ADAMTS2: variants seen among roughly 807,000 people sequenced by gnomAD.
ADAMTS2 encodes the protein A disintegrin and metalloproteinase with thrombospondin motifs 2.
A neutral mutation model predicts 123.0 loss-of-function variants in ADAMTS2; 50 were observed. The observed-to-expected ratio is 0.41, with a 90% CI of 0.32 to 0.51. The LOEUF (loss-of-function observed/expected upper bound fraction) is 0.51. ADAMTS2 is among the 20% of genes least tolerant of loss of function. The probability of loss-of-function intolerance (pLI) is 0.35; values close to 1 mark genes in which losing one functional copy is unlikely to be tolerated. For synonymous variants in ADAMTS2, 678 were observed against 695.4 expected (o/e 0.98, Z 0.39); for missense variants, 1,494 against 1,705.2 (o/e 0.88, Z 2.18).
chr5:179,293,312 T>A (rs1360391396), intron 2 of ADAMTS2, among the ~76,000 whole-genome samples: 1 of 152,264 alleles, frequency 6.6e-6, no homozygotes, highest in Non-Finnish European at 1.5e-5. Flanking sequence ...GACTCCCACA[T>A]GAGCAGCCTC....
At position 179,189,822 on chromosome 5, in the gene ADAMTS2, G is replaced by A. The variant is rs964770825; in HGVS notation, c.892-8667C>T. 2.0e-5 allele frequency among the ~76,000 whole-genome samples: 3 copies of A among 151,018 alleles called. No individual in the cohort carries two copies. The highest frequency in any genetic ancestry group is 6.6e-5 in the Admixed American group (1 of 15,156). On this transcript the variant is annotated intron_variant, in intron 4 of 21. Coordinates refer to ENST00000251582, the MANE Select transcript of ADAMTS2 (RefSeq NM_014244.5). This position sits in a 1 kb window ranked among gnomAD's most constrained non-coding sequence, Gnocchi z 4.2. Reference sequence around the variant, plus strand: ...TTACTAAGTATCTTCTTAAGTTGGGGGGAGAGAATATTACAAAGTATCTTC... The same window carrying A: ...TTACTAAGTATCTTCTTAAGTTGGGAGGAGAGAATATTACAAAGTATCTTC...
chr5:179,278,593 C>A (rs1371826455), intron 2 of ADAMTS2, among the ~76,000 whole-genome samples: 4 of 152,108 alleles, frequency 2.6e-5, no homozygotes, highest in Non-Finnish European at 4.4e-5. Flanking sequence ...AGCTGTCCAG[C>A]CTGGGGTCTT....
intron 2 of ADAMTS2, among the ~76,000 whole-genome samples, chr5:179,313,104 A>G (rs1289632095): frequency 1.3e-5 from 2 of 152,232 alleles, no homozygotes; most frequent in African/African-American, 4.8e-5. Context: ...ATAGCATTTC[A>G]GGACTTCATG....
chr5:179,197,940 A>G lies in ADAMTS2; in HGVS notation c.891+9573T>C, dbSNP rs1317780488. Among the ~76,000 whole-genome samples, 1 of 152,184 alleles carries G rather than the reference A, an allele frequency of 6.6e-6. No individual in the cohort carries two copies. Among genetic ancestry groups the G allele is most frequent in the African/African-American group, 2.4e-5 (1 of 41,436 alleles). On this transcript the variant is annotated intron_variant, in intron 4 of 21. Transcript: ENST00000251582. The surrounding 1 kb of genome is among the most constrained non-coding windows in gnomAD (Gnocchi z 4.2). The stretch of plus-strand genomic sequence containing the variant: ...CCAGGCCCACACACATGGCCACAGC[A>G]TCTGGTTTGTGAGCAGAGACTAGCC...
Position 179,335,208 on chromosome 5 carries a change from G to GT in ADAMTS2, c.534+8558dup, listed in dbSNP as rs139119846. Among the ~76,000 whole-genome samples the GT allele has an allele frequency of 1.0e-3, 152 of 150,996 alleles. 1 individual carries two copies. Among genetic ancestry groups the GT allele is most frequent in the Admixed American group, 2.9e-3 (44 of 15,222 alleles). On this transcript the variant is annotated intron_variant, in intron 2 of 21. Coordinates refer to ENST00000251582, the MANE Select transcript of ADAMTS2 (RefSeq NM_014244.5). ...GAACTCGAGCTTTATATGTAGCCATGTTTTTAAAAAAAAAAGACACAGGTG... is the reference window on the plus strand; with the variant it reads ...GAACTCGAGCTTTATATGTAGCCATGTTTTTTAAAAAAAAAAGACACAGGTG...
At chr5:179,251,380 A>G (rs1376701065) in intron 3 of ADAMTS2, among the ~76,000 whole-genome samples, 1 of 152,162 alleles carries the variant, frequency 6.6e-6, no homozygotes, top group African/African-American at 2.4e-5. Context: ...CTCTGCCACC[A>G]AAAAAGCAGG....
At chr5:179,230,466 A>T (rs1765384654) in intron 3 of ADAMTS2, among the ~76,000 whole-genome samples, 1 of 152,186 alleles carries the variant, frequency 6.6e-6, no homozygotes, top group Non-Finnish European at 1.5e-5. Flanking sequence ...AGCCTCAAAC[A>T]CACATCAAAT....
rs149523751 is a variant in ADAMTS2 at position 179,304,386 on chromosome 5, T to C, written c.535-31322A>G. 4.9e-3 allele frequency among the ~76,000 whole-genome samples: 752 copies of C among 152,254 alleles called. 4 individuals carry two copies. Among genetic ancestry groups the C allele is most frequent in the African/African-American group, 0.017 (689 of 41,536 alleles). The stretch of plus-strand genomic sequence containing the variant: ...CAGATAACAAGACTGAGATAGCACA[T>C]ATGTTGGAATTAACTGACAATGATC... On this transcript the variant is annotated intron_variant, in intron 2 of 21. Coordinates refer to ENST00000251582, the MANE Select transcript of ADAMTS2 (RefSeq NM_014244.5).
In ADAMTS2 at chr5:179,111,206, G is replaced by A. The variant is rs933509566; in HGVS notation, c.*2661C>T. 6.6e-6 allele frequency: 1 copy of A among 152,198 alleles called. No individual in the cohort carries two copies. Among genetic ancestry groups the A allele is most frequent in the Non-Finnish European group, 1.5e-5 (1 of 68,044 alleles). The allele number at this position is 152,198 out of a possible 1,614,324, so 9.4% of individuals were successfully genotyped here. ...ATCTAACACGAGTCTGCCCACTAAG[G>A]AGAAGTGACTCAGGGACACTGTTGC... On this transcript the variant is annotated 3_prime_UTR_variant, in exon 22 of 22. Transcript: ENST00000251582.
Position 179,132,660 on chromosome 5 carries a change from C to A in ADAMTS2, c.2209+117G>T. 6 of 1,470,590 alleles carry A rather than the reference C, an allele frequency of 4.1e-6. No homozygotes were observed. The highest frequency in any genetic ancestry group is 2.2e-4 in the Middle Eastern group (1 of 4,478). The allele number at this position is 1,470,590 out of a possible 1,614,324, so 91.1% of individuals were successfully genotyped here. On this transcript the variant is annotated intron_variant, in intron 14 of 21. Transcript: ENST00000251582. The surrounding 1 kb of genome is among the most constrained non-coding windows in gnomAD (Gnocchi z 6.1). ...CCCTCAGTGTCACAGACCTCTCCCC[C>A]TCCCCAGAACAGTCATAAGCCCGGA...
In ADAMTS2 at chr5:179,129,592, G is replaced by A. The variant is rs563327241; in HGVS notation, c.2457+340C>T. Among the ~76,000 whole-genome samples the A allele has an allele frequency of 1.8e-4, 28 of 152,272 alleles. No homozygotes were observed. The South Asian group carries it at 2.7e-3, about 15-fold the overall frequency. On this transcript the variant is annotated intron_variant, in intron 16 of 21. Coordinates refer to ENST00000251582, the MANE Select transcript of ADAMTS2 (RefSeq NM_014244.5). The surrounding 1 kb of genome is among the most constrained non-coding windows in gnomAD (Gnocchi z 4.1). ...GCATCTAGCTTCCCAGACCCTGAGCGTCACCTCCCAGAGTGTCACCGATTC... is the reference window on the plus strand; with the variant it reads ...GCATCTAGCTTCCCAGACCCTGAGCATCACCTCCCAGAGTGTCACCGATTC...
intron 8 of ADAMTS2, 80 bp downstream of exon 8, chr5:179,153,969 G>T: frequency 6.5e-7 from 1 of 1,530,436 alleles, no homozygotes; most frequent in Non-Finnish European, 8.8e-7. Context: ...CTCTGGCTCT[G>T]GTGCATGGGG....
In ADAMTS2 at chr5:179,117,316, G is replaced by A. The variant is rs192107771; in HGVS notation, c.3179-2992C>T. The stretch of plus-strand genomic sequence containing the variant: ...TGGTGCTGGGAGGGACACCCTGGCT[G>A]CACACTGCCCCCTCTCCTGTTGCCC... On this transcript the variant is annotated intron_variant, in intron 21 of 21. Coordinates refer to ENST00000251582, the MANE Select transcript of ADAMTS2 (RefSeq NM_014244.5). The surrounding 1 kb of genome is among the most constrained non-coding windows in gnomAD (Gnocchi z 4.2). Among the ~76,000 whole-genome samples the A allele has an allele frequency of 5.0e-4, 76 of 152,272 alleles. No homozygotes were observed. The East Asian group carries it at 6.2e-3, about 12-fold the overall frequency.
intron 20 of ADAMTS2, 89 bp from the exon 21 acceptor site, chr5:179,121,839 T>C (rs1762769683): frequency 1.1e-6 from 1 of 895,534 alleles, no homozygotes; most frequent in Non-Finnish European, 1.7e-6. Context: ...CCCGGGGTCC[T>C]GGGGAAGCGT....
In ADAMTS2 at chr5:179,126,103, C is replaced by T. The variant is rs775351961; in HGVS notation, c.2645G>A (p.Arg882His). Residue 882 changes from arginine (R) to histidine (H), a missense_variant, in exon 18 of 22, where the codon CGC becomes CAC. By Grantham distance (29) the Arg-to-His change is conservative. Transcript: ENST00000251582. ...TACCATCTTGTGGTCCAGCCTCCGG[C>T]GGCAGCCATACTTGGTGAACTGGGA... ...GGSQFTKYGC[R>H]RRLDHKMVHR... 20 of 1,612,972 alleles carry T rather than the reference C, an allele frequency of 1.2e-5. No individual in the cohort carries two copies. Among genetic ancestry groups the T allele is most frequent in the East Asian group, 4.5e-5 (2 of 44,892 alleles).
chr5:179,127,734 C>T lies in ADAMTS2; in HGVS notation c.2617+225G>A, dbSNP rs560374484. On this transcript the variant is annotated intron_variant, in intron 17 of 21. Transcript: ENST00000251582. Reference sequence around the variant, plus strand: ...GAAGCAGGCCCACAAATACAGGGTCCATGCCCCACACACCCTTTGGCCACA... The same window carrying T: ...GAAGCAGGCCCACAAATACAGGGTCTATGCCCCACACACCCTTTGGCCACA... Among the ~76,000 whole-genome samples the T allele has an allele frequency of 6.6e-5, 10 of 152,234 alleles. No homozygotes were observed. The East Asian group carries it at 1.7e-3, about 27-fold the overall frequency.
chr5:179,154,756 C>A, intron 7 of ADAMTS2, 58 bp downstream of exon 7: 1 of 1,422,100 alleles, frequency 7.0e-7, no homozygotes, highest in Non-Finnish European at 9.7e-7. Flanking sequence ...AGTGGGCAGC[C>A]AGGGCTGGGG....
chr5:179,282,542 A>T (rs947538775), intron 2 of ADAMTS2, among the ~76,000 whole-genome samples: 7 of 152,206 alleles, frequency 4.6e-5, no homozygotes, highest in African/African-American at 1.7e-4. Context: ...CTTTGTAGTA[A>T]GTCTTAGAAT....
chr5:179,182,351 G>A (rs760531969), intron 4 of ADAMTS2, among the ~76,000 whole-genome samples: 72 of 152,220 alleles, frequency 4.7e-4, no homozygotes, highest in Non-Finnish European at 8.5e-4. Context: ...TGACAGCTCC[G>A]GACATGGCCA....
Sources: allele counts gnomAD v4.1 joint callset (sites outside exome capture counted in the v4.1 genomes callset), GRCh38; gene constraint gnomAD v4.1.1; non-coding constraint Gnocchi (gnomAD v3.1); transcripts MANE v1.5; gene names NCBI Gene and HGNC (gene_info 2026-07-23, HGNC 2026-07-21).